The following ZNF585A variants were observed in gnomAD, a reference collection of about 807,000 sequenced individuals.
ZNF585A encodes zinc finger protein 585A.
In ZNF585A, 9 loss-of-function variants were observed where a neutral mutation model predicts 14.9. That is an observed-to-expected ratio of 0.60 (90% confidence interval 0.36 to 1.05). The LOEUF (loss-of-function observed/expected upper bound fraction) is 1.05, where lower values mean the gene tolerates loss of function less well. Ranked by LOEUF, ZNF585A falls within the 50% of genes least tolerant of loss-of-function variation. ZNF585A has a pLI of 0.01. For synonymous variants in ZNF585A, 276 were observed against 319.9 expected (o/e 0.86, Z 1.46); for missense variants, 726 against 926.4 (o/e 0.78, Z 2.81).
Position 37,169,838 on chromosome 19 carries a change from C to A in ZNF585A, c.72+1G>T. The stretch of plus-strand genomic sequence containing the variant: ...ACCCCCCTGGGACTCCTCCTTCTCA[C>A]CTCATAGGAGCTGCCATGATCCTCT... On this transcript the variant is annotated splice_donor_variant, in intron 2 of 4. Transcript: ENST00000292841. LOFTEE classifies it high-confidence loss of function. 1 of 1,612,224 alleles carries A rather than the reference C, an allele frequency of 6.2e-7. No individual in the cohort carries two copies. The highest frequency in any genetic ancestry group is 2.2e-5 in the East Asian group (1 of 44,882).
At chr19:37,161,281 C>A (rs556037484) in intron 2 of ZNF585A, among the ~76,000 whole-genome samples, 1 of 152,142 alleles carries the variant, frequency 6.6e-6, no homozygotes, top group South Asian at 2.1e-4. Context: ...AAAAGAATCA[C>A]GTACCACAAT....
At chr19:37,161,535 T>C (rs1336266938) in intron 2 of ZNF585A, among the ~76,000 whole-genome samples, 2 of 152,134 alleles carry the variant, frequency 1.3e-5, no homozygotes, top group Non-Finnish European at 2.9e-5. Flanking sequence ...AGTCCACAGA[T>C]ACATGAATTT....
At chr19:37,168,463 C>A (rs8100552) in intron 2 of ZNF585A, among the ~76,000 whole-genome samples, 3,357 of 152,300 alleles carry the variant, frequency 0.022, 129 homozygotes, top group African/African-American at 0.077. Flanking sequence ...ACCACTCTGT[C>A]ATTATACTTG....
intron 2 of ZNF585A, among the ~76,000 whole-genome samples, chr19:37,168,553 C>T (rs142744807): frequency 1.8e-3 from 278 of 152,316 alleles, no homozygotes; most frequent in African/African-American, 4.6e-3. Flanking sequence ...GCCAATTATA[C>T]CTTTACCAAT....
chr19:37,169,230 T>C (rs1405294513), intron 2 of ZNF585A, among the ~76,000 whole-genome samples: 1 of 151,988 alleles, frequency 6.6e-6, no homozygotes, highest in Non-Finnish European at 1.5e-5. Context: ...AAGAACAAGA[T>C]GCTAATCAAA....
chr19:37,162,955 C>T (rs994063569), intron 2 of ZNF585A, among the ~76,000 whole-genome samples: 8 of 152,062 alleles, frequency 5.3e-5, no homozygotes, highest in Non-Finnish European at 1.2e-4. Flanking sequence ...AACAAACCTG[C>T]CCTTGTACCT....
chr19:37,169,790 A>G (rs1236615389), intron 2 of ZNF585A, 49 bp downstream of exon 2: 2 of 1,601,202 alleles, frequency 1.2e-6, no homozygotes, highest in Admixed American at 1.7e-5. Flanking sequence ...GACCAGAGAT[A>G]CCTAGTCCTG....
Position 37,146,095 on chromosome 19 carries a change from A to T in ZNF585A, c.*5494T>A, listed in dbSNP as rs544897650. 1 of 152,310 alleles carries T rather than the reference A, an allele frequency of 6.6e-6. No homozygotes were observed. Among genetic ancestry groups the T allele is most frequent in the South Asian group, 2.1e-4 (1 of 4,812 alleles). 9.4% of individuals were successfully genotyped at this position (152,310 alleles called of 1,614,324 possible). On this transcript the variant is annotated 3_prime_UTR_variant, in exon 5 of 5. Coordinates refer to ENST00000292841, the MANE Select transcript of ZNF585A (RefSeq NM_001288800.2). ...GGTGTAGGATATACCATAAATAGTC[A>T]CACTGGGTTGGGCGAGGTGGCTCAG...
rs1231546740 is a variant in ZNF585A, at chr19:37,147,586, ATACTATAAAACAGG to A, written c.*3989_*4002del. The stretch of plus-strand genomic sequence containing the variant: ...TAGGTAATCATATAAAATAAAACAT[ATACTATAAAACAGG>A]TACTATTATATAAAATACAAACTAT... On this transcript the variant is annotated 3_prime_UTR_variant, in exon 5 of 5. Transcript: ENST00000292841. 3.3e-5 allele frequency: 5 copies of A among 152,342 alleles called. No individual in the cohort carries two copies. The East Asian group carries it at 9.6e-4, about 29-fold the overall frequency. 9.4% of individuals were successfully genotyped at this position (152,342 alleles called of 1,614,324 possible).
Position 37,151,962 on chromosome 19 carries a change from C to G in ZNF585A, c.1937G>C (p.Arg646Thr). The change falls in exon 5 of 5, where the codon AGG becomes ACG. Residue 646 changes from arginine to threonine, a missense_variant. Coordinates refer to ENST00000292841, the MANE Select transcript of ZNF585A (RefSeq NM_001288800.2). ...CAECGKAFSG[R>T]SNLSKHQKTH... ...TTTCTGGTGCTTACTGAGATTTGAC[C>G]TGCCACTAAAGGCCTTCCCGCACTC... The G allele has an allele frequency of 6.2e-7, 1 of 1,614,026 alleles. No homozygotes were observed. Among genetic ancestry groups the G allele is most frequent in the Non-Finnish European group, 8.5e-7 (1 of 1,180,020 alleles).
Position 37,150,595 on chromosome 19 carries a change from G to GTA in ZNF585A, c.*992_*993dup, listed in dbSNP as rs1971811460. The GTA allele has an allele frequency of 6.6e-6, 1 of 152,214 alleles. No individual in the cohort carries two copies. The highest frequency in any genetic ancestry group is 2.4e-5 in the African/African-American group (1 of 41,428). The allele number at this position is 152,214 out of a possible 1,614,324, so 9.4% of individuals were successfully genotyped here. A position where few individuals can be genotyped will look rare whatever the true frequency, so the allele number is the denominator to read the frequency against. On this transcript the variant is annotated 3_prime_UTR_variant, in exon 5 of 5. Transcript: ENST00000292841. ...TTGATGAAGTGTGACACACATAAGA[G>GTA]TAAGGTAAAACAGGAAAAATGGCCA...
In ZNF585A at chr19:37,153,112, T is replaced by C; in HGVS notation, c.787A>G (p.Ile263Val). The change falls in exon 5 of 5, where the codon ATC (isoleucine) becomes GTC (valine). Residue 263 changes from isoleucine to valine, a missense_variant. Ile to Val is a conservative substitution (Grantham distance 29). Around this residue, in one of 2 missense-constraint regions of ZNF585A, gnomAD observed 483 missense variants for 542.8 expected, o/e 0.89. Coordinates refer to ENST00000292841, the MANE Select transcript of ZNF585A (RefSeq NM_001288800.2). ...QKSTLKMHQK[I>V]HTGERSYICI... ...ATGTAGGATCTCTCGCCTGTATGGA[T>C]TTTCTGATGCATCTTGAGTGTGGAC... 1.9e-6 allele frequency: 3 copies of C among 1,614,148 alleles called. No homozygotes were observed. The East Asian group carries it at 6.7e-5, about 36-fold the overall frequency.
Position 37,153,505 on chromosome 19 carries a change from A to C in ZNF585A, c.394T>G (p.Cys132Gly). The change falls in exon 5 of 5, where the codon TGC (cysteine) becomes GGC (glycine). Residue 132 changes from cysteine to glycine, a missense_variant. By Grantham distance (159) the Cys-to-Gly change is radical (BLOSUM62 -3). Around this residue, in one of 2 missense-constraint regions of ZNF585A, gnomAD observed 483 missense variants for 542.8 expected, o/e 0.89. Transcript: ENST00000292841. ...GTGAATATCTTTTCAAATTTGGCGCATTCATAAGCTTTCTCCCCAGGATAC... is the reference window on the plus strand; with the variant it reads ...GTGAATATCTTTTCAAATTTGGCGCCTTCATAAGCTTTCTCCCCAGGATAC... ...KMYPGEKAYE[C>G]AKFEKIFTQK... 1 of 1,614,116 alleles carries C rather than the reference A, an allele frequency of 6.2e-7. No individual in the cohort carries two copies. The highest frequency in any genetic ancestry group is 8.5e-7 in the Non-Finnish European group (1 of 1,180,024).
At chr19:37,162,904 A>C (rs1488835388) in intron 2 of ZNF585A, among the ~76,000 whole-genome samples, 2 of 152,128 alleles carry the variant, frequency 1.3e-5, no homozygotes, top group Admixed American at 6.5e-5. Flanking sequence ...GGGTGATAAA[A>C]GTCTATACAA....
intron 2 of ZNF585A, among the ~76,000 whole-genome samples, chr19:37,156,730 T>C (rs542497414): frequency 6.6e-6 from 1 of 152,230 alleles, no homozygotes; most frequent in South Asian, 2.1e-4. Flanking sequence ...CTCGCTCTGT[T>C]GTCCAGGCTG....
chr19:37,152,527 G>T lies in ZNF585A; in HGVS notation c.1372C>A (p.Arg458=). ...TSKSQLHVHK[R]IHTGEKPYMC... ...TAGGGCTTTTCTCCTGTGTGAATTC[G>T]TTTATGAACATGGAGTTGCGACTTG... is the stretch of plus-strand genomic sequence containing the variant. The change falls in exon 5 of 5, where the codon CGA becomes AGA. Residue 458 remains arginine (R), a synonymous_variant. Transcript: ENST00000292841. The T allele has an allele frequency of 6.2e-7, 1 of 1,614,048 alleles. No homozygotes were observed. The highest frequency in any genetic ancestry group is 8.5e-7 in the Non-Finnish European group (1 of 1,180,020).
chr19:37,169,283 C>T (rs1169234733), intron 2 of ZNF585A, among the ~76,000 whole-genome samples: 4 of 151,290 alleles, frequency 2.6e-5, no homozygotes, highest in Middle Eastern at 3.4e-3. Context: ...AAAATTAAAA[C>T]GTTGAATTAA....
rs184089593 is a variant in ZNF585A, at chr19:37,159,165, C to T, written c.73-2810G>A. Among the ~76,000 whole-genome samples the T allele has an allele frequency of 2.0e-5, 3 of 146,754 alleles. No individual in the cohort carries two copies. The East Asian group carries it at 6.1e-4, about 30-fold the overall frequency. ...CCAGGAGGCTGAGGCACGAGAATCA[C>T]TTGAACCCAGGAGGTGGAGATTACA... On this transcript the variant is annotated intron_variant, in intron 2 of 4. Coordinates refer to ENST00000292841, the MANE Select transcript of ZNF585A (RefSeq NM_001288800.2).
At chr19:37,154,144 G>A (rs774775118) in intron 4 of ZNF585A, among the ~76,000 whole-genome samples, 3 of 152,182 alleles carry the variant, frequency 2.0e-5, no homozygotes, top group Non-Finnish European at 4.4e-5. Context: ...GGTGAGTAAC[G>A]TGAAGAGGAA....
Sources: allele counts gnomAD v4.1 joint callset (sites outside exome capture counted in the v4.1 genomes callset), GRCh38; gene constraint gnomAD v4.1.1; regional missense constraint gnomAD v4.1.1; transcripts MANE v1.5; gene names NCBI Gene and HGNC (gene_info 2026-07-23, HGNC 2026-07-21).